Variants in TM9SF1 observed in about 807,000 individuals in gnomAD.
The protein encoded by TM9SF1 is MP70 protein family member.
A neutral mutation model predicts 52.4 loss-of-function variants in TM9SF1; 25 were observed. The ratio of observed to expected loss-of-function variants is 0.48; its 90% CI spans 0.35 to 0.67. The LOEUF is 0.67. TM9SF1 is among the 30% of genes least tolerant of loss of function. TM9SF1 has a pLI of 0.01. For missense variants in TM9SF1, 604 were observed against 780.3 expected, an observed-to-expected ratio of 0.77 and a Z score of 2.69; for synonymous variants, 284 against 299.8, an observed-to-expected ratio of 0.95 and a Z score of 0.55.
Position 24,192,879 on chromosome 14 carries a change from C to T in TM9SF1, c.736G>A (p.Val246Met). Reference sequence around the variant, plus strand: ...GCCACAAAACCCACCAGTAAAAACACAAGCACCATGGAGTTGATGATGGAC... The same window carrying T: ...GCCACAAAACCCACCAGTAAAAACATAAGCACCATGGAGTTGATGATGGAC... ...WLSIINSMVL[V>M]FLLVGFVAVI... The change falls in exon 3 of 6, where the codon GTG (valine) becomes ATG (methionine). Residue 246 changes from valine (V) to methionine (M), a missense_variant. This residue lies in a region of TM9SF1 where 450 missense variants were observed against 560.1 expected (regional missense o/e 0.80). Coordinates refer to ENST00000261789, the MANE Select transcript of TM9SF1 (RefSeq NM_006405.7). The surrounding 1 kb of genome is among the most constrained non-coding windows in gnomAD (Gnocchi z 4.0). The T allele has an allele frequency of 1.9e-6, 3 of 1,614,100 alleles. No individual in the cohort carries two copies. Among genetic ancestry groups the T allele is most frequent in the South Asian group, 1.1e-5 (1 of 91,080 alleles).
chr14:24,193,199 C>T lies in TM9SF1; in HGVS notation c.416G>A (p.Arg139Gln), dbSNP rs771170110. The change falls in exon 3 of 6, where the codon CGG becomes CAG. Residue 139 changes from arginine to glutamine, a missense_variant. Physicochemically the swap from Arg to Gln is conservative, Grantham distance 43 (BLOSUM62 1). This residue lies in a region of TM9SF1 where 450 missense variants were observed against 560.1 expected (regional missense o/e 0.80). Coordinates refer to ENST00000261789, the MANE Select transcript of TM9SF1 (RefSeq NM_006405.7). ...CTCCTCCATGTAGCCCACAAAGCCC[C>T]GGATTGGCAAGTCATCTACCACAAA... ...FEFVVDDLPI[R>Q]GFVGYMEESG... 1.4e-5 allele frequency: 23 copies of T among 1,613,956 alleles called. No homozygotes were observed. The highest frequency in any genetic ancestry group is 2.2e-5 in the East Asian group (1 of 44,884).
intron 5 of TM9SF1, 121 bp downstream of exon 5, chr14:24,190,259 C>T: frequency 6.6e-7 from 1 of 1,506,040 alleles, no homozygotes; most frequent in Non-Finnish European, 8.9e-7. Flanking sequence ...ATTTAATGAT[C>T]TCTGAATGGT....
At chr14:24,191,838 C>A in intron 4 of TM9SF1, 2 of 211,238 alleles carry the variant, frequency 9.5e-6, no homozygotes, top group Non-Finnish European at 1.9e-5. Flanking sequence ...GAGACAGTCT[C>A]ACTCTGTCAG....
rs759347812 is a variant in TM9SF1 at position 24,192,343 on chromosome 14, C to T, written c.981G>A (p.Met327Ile). ...GCACATTGAACATGCCCAGCAGTGCCATGACAATAATGCCTGCAGGACGGT... is the reference window on the plus strand; with the variant it reads ...GCACATTGAACATGCCCAGCAGTGCTATGACAATAATGCCTGCAGGACGGT... ...FLALGTGIIV[M>I]ALLGMFNVHR... is the part of the protein sequence containing the mutation. The change falls in exon 4 of 6, where the codon ATG becomes ATA. Residue 327 changes from methionine (M) to isoleucine (I), a missense_variant. Coordinates refer to ENST00000261789, the MANE Select transcript of TM9SF1 (RefSeq NM_006405.7). The surrounding 1 kb of genome is among the most constrained non-coding windows in gnomAD (Gnocchi z 4.0). 2.5e-6 allele frequency: 4 copies of T among 1,613,654 alleles called. No homozygotes were observed. In the African/African-American group the frequency reaches 5.3e-5, roughly 22 times the overall value.
chr14:24,190,814 C>T (rs1046095814), intron 4 of TM9SF1, among the ~76,000 whole-genome samples, 161 bp from the exon 5 acceptor site: 29 of 150,902 alleles, frequency 1.9e-4, no homozygotes, highest in African/African-American at 7.1e-4. Context: ...ACTGCCTTCA[C>T]CTCCACCCTT....
At position 24,192,864 on chromosome 14, in the gene TM9SF1, C is replaced by G. The variant is rs781103749; in HGVS notation, c.751G>C (p.Gly251Arg). Residue 251 changes from glycine to arginine, a missense_variant, in exon 3 of 6, where the codon GGT (glycine) becomes CGT (arginine). Transcript: ENST00000261789. This position sits in a 1 kb window ranked among gnomAD's most constrained non-coding sequence, Gnocchi z 4.0. ...NSMVLVFLLV[G>R]FVAVILMRVL... ...CGCATTAGAATGACAGCCACAAAAC[C>G]CACCAGTAAAAACACAAGCACCATG... 1 of 1,613,922 alleles carries G rather than the reference C, an allele frequency of 6.2e-7. No homozygotes were observed. Among genetic ancestry groups the G allele is most frequent in the Non-Finnish European group, 8.5e-7 (1 of 1,179,842 alleles).
rs76930494 is a variant in TM9SF1, at chr14:24,189,310, A to C, written c.*105T>G. 5.4e-4 allele frequency: 713 copies of C among 1,326,568 alleles called. 10 individuals carry two copies. The East Asian group carries it at 0.014, about 26-fold the overall frequency. 82.2% of individuals were successfully genotyped at this position (1,326,568 alleles called of 1,614,324 possible). The stretch of plus-strand genomic sequence containing the variant: ...ATGCCCAAAGGGCAAAAGGGAAGGC[A>C]ACAATGCCATCACACAATTCAGTCA... On this transcript the variant is annotated 3_prime_UTR_variant, in exon 6 of 6. Transcript: ENST00000261789.
At position 24,192,737 on chromosome 14, in the gene TM9SF1, A is replaced by G; in HGVS notation, c.878T>C (p.Ile293Thr). The change falls in exon 3 of 6, where the codon ATC becomes ACC. Residue 293 changes from isoleucine to threonine, a missense_variant. Coordinates refer to ENST00000261789, the MANE Select transcript of TM9SF1 (RefSeq NM_006405.7). The surrounding 1 kb of genome is among the most constrained non-coding windows in gnomAD (Gnocchi z 4.0). ...GGGGAAGCGGAAGACATCTGTATGG[A>G]TAATTTTCCAGCCATTGTCACCCTG... ...FDQGDNGWKI[I>T]HTDVFRFPPY... 1.2e-6 allele frequency: 2 copies of G among 1,614,070 alleles called. No homozygotes were observed. The highest frequency in any genetic ancestry group is 1.7e-6 in the Non-Finnish European group (2 of 1,179,952).
At chr14:24,193,467 A>G (rs1464681052) in intron 2 of TM9SF1, among the ~76,000 whole-genome samples, 198 bp from the exon 3 acceptor site, 3 of 151,846 alleles carry the variant, frequency 2.0e-5, no homozygotes, top group South Asian at 2.1e-4. Context: ...CCTGGGTTCA[A>G]GCAATTCTCC....
intron 1 of TM9SF1, 30 bp downstream of exon 1, chr14:24,195,316 C>A (rs1372529951): frequency 1.1e-5 from 4 of 371,636 alleles, no homozygotes; most frequent in Non-Finnish European, 2.0e-5. Context: ...CACCTCGGGT[C>A]CCTTCCCGCC....
chr14:24,191,009 GCGCCCGCCACCA>G, intron 4 of TM9SF1, among the ~76,000 whole-genome samples: 1 of 151,866 alleles, frequency 6.6e-6, no homozygotes, highest in East Asian at 1.9e-4. Flanking sequence ...AGGACTACAG[GCGCCCGCCACCA>G]CGCCCGGCTA....
At position 24,193,063 on chromosome 14, in the gene TM9SF1, G is replaced by T; in HGVS notation, c.552C>A (p.Val184=). Residue 184 remains valine (V), a synonymous_variant, in exon 3 of 6, where the codon GTC becomes GTA. Transcript: ENST00000261789. ...IIFANVSVRD[V]KPHSLDGLRP... ...GTAACCCATCCAAGCTGTGGGGCTT[G>T]ACGTCCCGCACTGAAACATTGGCAA... 1 of 1,614,182 alleles carries T rather than the reference G, an allele frequency of 6.2e-7. No homozygotes were observed. Among genetic ancestry groups the T allele is most frequent in the Non-Finnish European group, 8.5e-7 (1 of 1,180,038 alleles).
chr14:24,194,735 G>A lies in TM9SF1; in HGVS notation c.285C>T (p.Ile95=), dbSNP rs779283601. 4.3e-6 allele frequency: 7 copies of A among 1,614,118 alleles called. No homozygotes were observed. In the Admixed American group the frequency reaches 8.3e-5, roughly 19 times the overall value. The change falls in exon 2 of 6, where the codon ATC becomes ATT. Residue 95 remains isoleucine (I), a synonymous_variant. Coordinates refer to ENST00000261789, the MANE Select transcript of TM9SF1 (RefSeq NM_006405.7). ...GDRMAESLYE[I]RFRENVEKRI... ...TCTTCTCCACGTTTTCCCGAAAGCG[G>A]ATCTCATACAAAGACTCAGCCATTC...
rs1270579997 is a variant in TM9SF1 at position 24,189,312 on chromosome 14, C to G, written c.*103G>C. 7.6e-7 allele frequency: 1 copy of G among 1,322,164 alleles called. No individual in the cohort carries two copies. The highest frequency in any genetic ancestry group is 1.0e-6 in the Non-Finnish European group (1 of 969,320). 81.9% of individuals were successfully genotyped at this position (1,322,164 alleles called of 1,614,324 possible). A position where few individuals can be genotyped will look rare whatever the true frequency, so the allele number is the denominator to read the frequency against. On this transcript the variant is annotated 3_prime_UTR_variant, in exon 6 of 6. Coordinates refer to ENST00000261789, the MANE Select transcript of TM9SF1 (RefSeq NM_006405.7). ...GCCCAAAGGGCAAAAGGGAAGGCAA[C>G]AATGCCATCACACAATTCAGTCAAT... is the stretch of plus-strand genomic sequence containing the variant.
chr14:24,192,631 CATTTTT>C lies in TM9SF1; in HGVS notation c.967+11_967+16del. 6.5e-7 allele frequency: 1 copy of C among 1,537,010 alleles called. No individual in the cohort carries two copies. The highest frequency in any genetic ancestry group is 8.7e-7 in the Non-Finnish European group (1 of 1,144,174). On this transcript the variant is annotated intron_variant, in intron 3 of 5. Transcript: ENST00000261789. This position sits in a 1 kb window ranked among gnomAD's most constrained non-coding sequence, Gnocchi z 4.0. ...TATCCCATGAGATAAATCCCCAATT[CATTTTT>C]ATCACCTCACCAGTGCCAAGGGCCA... is the stretch of plus-strand genomic sequence containing the variant.
chr14:24,190,372 G>C lies in TM9SF1; in HGVS notation c.1427+8C>G, dbSNP rs373665406. On this transcript the variant is annotated splice_region_variant and intron_variant, in intron 5 of 5. Transcript: ENST00000261789. ...GACAGTAATAGCCATGGAATAAAGG[G>C]AGGATACCTGAAAGGCAGGAAGCCT... is the stretch of plus-strand genomic sequence containing the variant. 2.6e-6 allele frequency: 4 copies of C among 1,563,728 alleles called. No homozygotes were observed. The African/African-American group carries it at 5.4e-5, about 21-fold the overall frequency.
At position 24,194,807 on chromosome 14, in the gene TM9SF1, C is replaced by A; in HGVS notation, c.213G>T (p.Lys71Asn). The A allele has an allele frequency of 6.2e-7, 1 of 1,614,244 alleles. No individual in the cohort carries two copies. The highest frequency in any genetic ancestry group is 8.5e-7 in the Non-Finnish European group (1 of 1,180,046). The change falls in exon 2 of 6, where the codon AAG (lysine) becomes AAT (asparagine). Residue 71 changes from lysine (K) to asparagine (N), a missense_variant. Lys to Asn is a moderately conservative substitution (Grantham distance 94). Coordinates refer to ENST00000261789, the MANE Select transcript of TM9SF1 (RefSeq NM_006405.7). ...CCAGGCTAAGGCTTTTGTGACGTATCTTCTCAGGGCAGCAGACTGGAAGCT... is the reference window on the plus strand; with the variant it reads ...CCAGGCTAAGGCTTTTGTGACGTATATTCTCAGGGCAGCAGACTGGAAGCT... ...YYQLPVCCPE[K>N]IRHKSLSLGE...
chr14:24,189,554 G>A lies in TM9SF1; in HGVS notation c.1682C>T (p.Ser561Phe), dbSNP rs752115104. ...VFYYARRSNMSGAVQTVEFFG... is the reference protein window; with the variant it reads ...VFYYARRSNMFGAVQTVEFFG... ...GAACTCTACTGTCTGTACTGCCCCA[G>A]ACATGTTGGAGCGCCGGGCATAATA... is the stretch of plus-strand genomic sequence containing the variant. Residue 561 changes from serine to phenylalanine, a missense_variant, in exon 6 of 6, where the codon TCT becomes TTT. Ser to Phe is a radical substitution (Grantham distance 155). Transcript: ENST00000261789. 1.9e-6 allele frequency: 3 copies of A among 1,614,198 alleles called. No individual in the cohort carries two copies. Among genetic ancestry groups the A allele is most frequent in the Admixed American group, 3.3e-5 (2 of 60,028 alleles).
intron 5 of TM9SF1, 47 bp downstream of exon 5, chr14:24,190,333 G>A (rs745450170): frequency 1.3e-6 from 2 of 1,531,150 alleles, no homozygotes; most frequent in South Asian, 2.6e-5. Context: ...AGGAAAAATT[G>A]AGGTCAGGAA....
Sources: allele counts gnomAD v4.1 joint callset (sites outside exome capture counted in the v4.1 genomes callset), GRCh38; gene constraint gnomAD v4.1.1; regional missense constraint gnomAD v4.1.1; non-coding constraint Gnocchi (gnomAD v3.1); transcripts MANE v1.5; gene names NCBI Gene and HGNC (gene_info 2026-07-23, HGNC 2026-07-21).